The following PDLIM5 variants were observed in gnomAD, a reference collection of about 807,000 sequenced individuals.
PDLIM5 encodes PDZ and LIM domain protein 5.
A neutral mutation model predicts 64.2 loss-of-function variants in PDLIM5; 34 were observed. The ratio of observed to expected loss-of-function variants is 0.53; its 90% confidence interval spans 0.40 to 0.71. PDLIM5 has a LOEUF of 0.71. Among genes scored for constraint, PDLIM5 ranks in the 30% least tolerant of loss-of-function variants. The pLI is 0.00. For missense variants in PDLIM5, 683 were observed against 733.6 expected (o/e 0.93, Z 0.80); for synonymous variants, 253 against 269.1 (o/e 0.94, Z 0.59).
intron 2 of PDLIM5, among the ~76,000 whole-genome samples, chr4:94,480,516 T>C: frequency 6.6e-6 from 1 of 152,176 alleles, no homozygotes; most frequent in East Asian, 1.9e-4. Context: ...GAAGAAGTGG[T>C]GTTCCCAGAG....
chr4:94,662,151 A>C (rs964145153), intron 11 of PDLIM5, among the ~76,000 whole-genome samples: 1 of 152,154 alleles, frequency 6.6e-6, no homozygotes, highest in Non-Finnish European at 1.5e-5. Flanking sequence ...TAGGCAATTA[A>C]GTAGTTGGTG....
chr4:94,553,580 A>G (rs921776565), intron 3 of PDLIM5, among the ~76,000 whole-genome samples: 2 of 152,208 alleles, frequency 1.3e-5, no homozygotes, highest in Non-Finnish European at 2.9e-5. Context: ...GGGAGAATCC[A>G]GTGTATCAGA....
chr4:94,618,346 T>G (rs1459333711), intron 8 of PDLIM5, among the ~76,000 whole-genome samples, 155 bp downstream of exon 8: 1 of 152,240 alleles, frequency 6.6e-6, no homozygotes, highest in East Asian at 1.9e-4. Context: ...GCTATTTTTC[T>G]CTCTGAGACA....
At chr4:94,661,903 C>T (rs1203678428) in intron 11 of PDLIM5, among the ~76,000 whole-genome samples, 1 of 151,972 alleles carries the variant, frequency 6.6e-6, no homozygotes, top group African/African-American at 2.4e-5. Context: ...TCACTGAAAC[C>T]TCCACCTCCC....
intron 2 of PDLIM5, among the ~76,000 whole-genome samples, chr4:94,513,285 G>T (rs1051681448): frequency 6.6e-6 from 1 of 152,164 alleles, no homozygotes; most frequent in Non-Finnish European, 1.5e-5. Flanking sequence ...TTGGTATTTT[G>T]ATAGAGATTC....
At chr4:94,572,459 T>C (rs1164739659) in intron 3 of PDLIM5, among the ~76,000 whole-genome samples, 2 of 152,146 alleles carry the variant, frequency 1.3e-5, no homozygotes, top group African/African-American at 4.8e-5. Context: ...CTCTGAAAAA[T>C]TAGGATAACC....
At chr4:94,636,717 A>C (rs1348145859) in intron 8 of PDLIM5, among the ~76,000 whole-genome samples, 2 of 151,890 alleles carry the variant, frequency 1.3e-5, no homozygotes, top group Non-Finnish European at 2.9e-5. Flanking sequence ...TTGTATTTTT[A>C]GTAGAGACGG....
chr4:94,511,132 T>A (rs1239882769), intron 2 of PDLIM5, among the ~76,000 whole-genome samples: 1 of 152,128 alleles, frequency 6.6e-6, no homozygotes, highest in African/African-American at 2.4e-5. Flanking sequence ...AGTCACAACA[T>A]TTGTTAGTGG....
In PDLIM5 at chr4:94,575,664, G is replaced by A; in HGVS notation, c.340G>A (p.Val114Met). The change falls in exon 5 of 13, where the codon GTG becomes ATG. Residue 114 changes from valine to methionine, a missense_variant. Val to Met is a conservative substitution (Grantham distance 21). Coordinates refer to ENST00000317968, the MANE Select transcript of PDLIM5 (RefSeq NM_006457.5). The part of the protein sequence containing the change: ...VKPVPITSPA[V>M]SKVTSTNNMA... Reference sequence around the variant, plus strand: ...ACCTGTGCCCATTACATCTCCTGCTGTGTCCAAAGTCACTTCCACAAACAA... The same window carrying A: ...ACCTGTGCCCATTACATCTCCTGCTATGTCCAAAGTCACTTCCACAAACAA... 6.2e-7 allele frequency: 1 copy of A among 1,610,504 alleles called. No individual in the cohort carries two copies. The highest frequency in any genetic ancestry group is 8.5e-7 in the Non-Finnish European group (1 of 1,177,778).
intron 7 of PDLIM5, among the ~76,000 whole-genome samples, chr4:94,614,626 A>G (rs779122094): frequency 4.6e-5 from 7 of 152,208 alleles, no homozygotes; most frequent in Non-Finnish European, 7.3e-5. Flanking sequence ...ATTTAAGCAT[A>G]AATGGAAAAA....
chr4:94,612,166 C>T lies in PDLIM5; in HGVS notation c.921-5838C>T, dbSNP rs571917251. 1.7e-4 allele frequency among the ~76,000 whole-genome samples: 26 copies of T among 152,026 alleles called. No homozygotes were observed. The South Asian group carries it at 4.2e-3, about 24-fold the overall frequency. On this transcript the variant is annotated intron_variant, in intron 7 of 12. Transcript: ENST00000317968. ...CCGGGAGGCAGAAGTTGCAGTGAGC[C>T]GAAATTGCGCCATTGCACTCCAGCC...
chr4:94,571,569 A>T (rs894101014), intron 3 of PDLIM5, among the ~76,000 whole-genome samples: 6 of 152,210 alleles, frequency 3.9e-5, no homozygotes, highest in Non-Finnish European at 2.9e-5. Context: ...ACTTGTGATG[A>T]TCACTGCAGT....
At chr4:94,480,598 G>C (rs996660954) in intron 2 of PDLIM5, among the ~76,000 whole-genome samples, 1 of 152,176 alleles carries the variant, frequency 6.6e-6, no homozygotes, top group African/African-American at 2.4e-5. Context: ...GGACTGTAGA[G>C]CCAGGGGCTG....
chr4:94,477,549 G>A (rs1253822363), intron 2 of PDLIM5, among the ~76,000 whole-genome samples: 1 of 152,088 alleles, frequency 6.6e-6, no homozygotes, highest in Non-Finnish European at 1.5e-5. Context: ...GAAACTTGGA[G>A]GAAAAGAGTA....
At chr4:94,526,023 C>T (rs993816525) in intron 3 of PDLIM5, among the ~76,000 whole-genome samples, 7 of 152,246 alleles carry the variant, frequency 4.6e-5, no homozygotes, top group East Asian at 3.9e-4. Context: ...AGAAGCTTAA[C>T]TTGTTTGAGA....
At chr4:94,641,566 C>G (rs1369927719) in intron 9 of PDLIM5, among the ~76,000 whole-genome samples, 2 of 152,124 alleles carry the variant, frequency 1.3e-5, no homozygotes, top group Non-Finnish European at 2.9e-5. Flanking sequence ...AAACAAAAAA[C>G]AAAGTTCACA....
intron 3 of PDLIM5, among the ~76,000 whole-genome samples, chr4:94,538,906 G>T (rs1265336264): frequency 6.6e-6 from 1 of 152,124 alleles, no homozygotes; most frequent in Non-Finnish European, 1.5e-5. Context: ...TGACAGATTG[G>T]GATGAATGAT....
chr4:94,492,335 A>G (rs972268306), intron 2 of PDLIM5, among the ~76,000 whole-genome samples: 2 of 151,296 alleles, frequency 1.3e-5, no homozygotes, highest in African/African-American at 4.9e-5. Context: ...TTCTGATTGG[A>G]ATGAATTTAT....
At chr4:94,542,396 G>A (rs1055260791) in intron 3 of PDLIM5, among the ~76,000 whole-genome samples, 1 of 152,028 alleles carries the variant, frequency 6.6e-6, no homozygotes, top group African/African-American at 2.4e-5. Flanking sequence ...TCTGTATATT[G>A]GGCCTTAAAG....
Sources: gnomAD v4.1 joint callset for allele counts (sites outside exome capture counted in the v4.1 genomes callset) on GRCh38, gnomAD v4.1.1 for gene constraint, MANE v1.5 for transcripts, NCBI Gene and HGNC (gene_info 2026-07-23, HGNC 2026-07-21) for gene names.